LAMA2: variants seen among roughly 807,000 people sequenced by gnomAD.
LAMA2 encodes the protein laminin subunit alpha 2.
Under a neutral mutation model 364.8 loss-of-function variants are expected in LAMA2, and 269 were observed. The observed-to-expected ratio is 0.74, with a 90% CI of 0.67 to 0.82. The LOEUF (loss-of-function observed/expected upper bound fraction) is 0.82. Among genes scored for constraint, LAMA2 ranks in the 40% least tolerant of loss-of-function variants. The pLI, the probability that LAMA2 is intolerant of heterozygous loss-of-function variation, is 0.00. For synonymous variants in LAMA2, 1,379 were observed against 1,370.6 expected (o/e 1.01, Z -0.14); for missense variants, 3,807 against 3,873.2 (o/e 0.98, Z 0.45).
chr6:129,249,410 G>A (rs572209358), intron 12 of LAMA2, among the ~76,000 whole-genome samples: 1 of 152,192 alleles, frequency 6.6e-6, no homozygotes, highest in South Asian at 2.1e-4. Flanking sequence ...TCTACAAGGT[G>A]ACTGTCAATG....
chr6:129,319,694 T>C (rs1774834282), intron 27 of LAMA2, among the ~76,000 whole-genome samples: 3 of 152,188 alleles, frequency 2.0e-5, no homozygotes, highest in Admixed American at 2.0e-4. Flanking sequence ...CATATAACTT[T>C]TGATACCTTC....
chr6:128,998,000 G>T (rs550703132), intron 1 of LAMA2, among the ~76,000 whole-genome samples: 3 of 152,172 alleles, frequency 2.0e-5, no homozygotes, highest in African/African-American at 7.2e-5. Context: ...ATAGGAGAAA[G>T]GACCCTGAGT....
At chr6:129,394,500 G>A (rs1336221482) in intron 37 of LAMA2, among the ~76,000 whole-genome samples, 1 of 152,118 alleles carries the variant, frequency 6.6e-6, no homozygotes, top group Non-Finnish European at 1.5e-5. Context: ...ATATTGAAGA[G>A]GCTTACTTTT....
rs116436764 is a variant in LAMA2, at chr6:129,386,939, A to G, written c.5071+3706A>G. On this transcript the variant is annotated intron_variant, in intron 35 of 64. Coordinates refer to ENST00000421865, the MANE Select transcript of LAMA2 (RefSeq NM_000426.4). ...TGGCCATGGAATAGCAGTTTATTCC[A>G]TAAGCAGCCAATATATTTGCTAAAA... Among the ~76,000 whole-genome samples, 604 of 152,172 alleles carry G rather than the reference A, an allele frequency of 4.0e-3. 3 individuals carry two copies. The highest frequency in any genetic ancestry group is 0.013 in the African/African-American group (555 of 41,548).
At chr6:129,333,737 A>G (rs1347001876) in intron 29 of LAMA2, among the ~76,000 whole-genome samples, 1 of 152,204 alleles carries the variant, frequency 6.6e-6, no homozygotes, top group Admixed American at 6.5e-5. Context: ...TTAAATGTAT[A>G]TGTCTTATGC....
chr6:129,186,267 T>C (rs1378487289), intron 10 of LAMA2, among the ~76,000 whole-genome samples: 2 of 151,694 alleles, frequency 1.3e-5, no homozygotes, highest in Non-Finnish European at 3.0e-5. Context: ...TACAAATAAA[T>C]TATAGAATCA....
intron 1 of LAMA2, among the ~76,000 whole-genome samples, chr6:129,024,382 CTTTTT>C (rs202105513): frequency 2.5e-4 from 29 of 116,824 alleles, no homozygotes; most frequent in African/African-American, 5.1e-4. Flanking sequence ...TCTTTTCTTT[CTTTTT>C]TTTTTTTTTT....
At chr6:129,183,388 A>G (rs1391825003) in intron 10 of LAMA2, among the ~76,000 whole-genome samples, 1 of 152,020 alleles carries the variant, frequency 6.6e-6, no homozygotes, top group Non-Finnish European at 1.5e-5. Context: ...CTTATAATAG[A>G]AAGATAAATA....
At chr6:129,058,494 C>T in intron 2 of LAMA2, among the ~76,000 whole-genome samples, 1 of 152,166 alleles carries the variant, frequency 6.6e-6, no homozygotes, top group Non-Finnish European at 1.5e-5. Flanking sequence ...AAGGGAAGAT[C>T]TGTGGTTTTT....
chr6:128,912,482 A>T (rs1410752935), intron 1 of LAMA2, among the ~76,000 whole-genome samples: 1 of 152,216 alleles, frequency 6.6e-6, no homozygotes, highest in South Asian at 2.1e-4. Context: ...CAGAGTAAGT[A>T]TATTTTGTTT....
chr6:129,515,470 T>A (rs1032852793), intron 64 of LAMA2, among the ~76,000 whole-genome samples: 1 of 152,176 alleles, frequency 6.6e-6, no homozygotes, highest in Admixed American at 6.5e-5. Context: ...CTCCATTCAG[T>A]CTATGATAAT....
chr6:129,477,766 A>G (rs944365623), intron 53 of LAMA2, among the ~76,000 whole-genome samples: 3 of 152,028 alleles, frequency 2.0e-5, no homozygotes, highest in African/African-American at 7.3e-5. Context: ...CTGTAAACTA[A>G]ATTAATCTGT....
At position 128,961,369 on chromosome 6, in the gene LAMA2, T is replaced by TATATA. The variant is rs1562873217; in HGVS notation, c.112+78013_112+78014insTATAA. On this transcript the variant is annotated intron_variant, in intron 1 of 64. Transcript: ENST00000421865. ...TATATATATATATATATATATATAT[T>TATATA]AGTTTATTAAGTATTAACTTATACG... is the stretch of plus-strand genomic sequence containing the variant. Among the ~76,000 whole-genome samples, 17 of 69,122 alleles carry TATATA rather than the reference T, an allele frequency of 2.5e-4. 2 individuals carry two copies. The highest frequency in any genetic ancestry group is 8.6e-4 in the African/African-American group (17 of 19,790). The allele number at this position is 69,122 out of a possible 152,430, so 45.3% of individuals were successfully genotyped here.
chr6:129,362,085 A>C (rs1777498064), intron 32 of LAMA2, among the ~76,000 whole-genome samples: 1 of 151,986 alleles, frequency 6.6e-6, no homozygotes, highest in African/African-American at 2.4e-5. Context: ...ACACCCAGCC[A>C]GTAGTAACCA....
At chr6:129,244,991 C>A (rs993349898) in intron 12 of LAMA2, among the ~76,000 whole-genome samples, 6 of 152,118 alleles carry the variant, frequency 3.9e-5, no homozygotes, top group Non-Finnish European at 8.8e-5. Flanking sequence ...TGGGAAACAG[C>A]TACTTGTGTT....
At chr6:128,957,790 T>G (rs200899983) in intron 1 of LAMA2, among the ~76,000 whole-genome samples, 1 of 151,650 alleles carries the variant, frequency 6.6e-6, no homozygotes, top group African/African-American at 2.4e-5. Flanking sequence ...TCATCATCCT[T>G]TAAGTATAGT....
intron 7 of LAMA2, among the ~76,000 whole-genome samples, chr6:129,153,448 A>C (rs908185838): frequency 3.3e-5 from 5 of 152,210 alleles, no homozygotes; most frequent in African/African-American, 1.2e-4. Context: ...CCAGTAAACT[A>C]GCTCTCGGTT....
rs763182744 is a variant in LAMA2, at chr6:129,393,216, C to A, written c.5406C>A (p.Arg1802=). Reference sequence around the variant, plus strand: ...CAGATAAAATCAGAGAAGCTAATCGCCTATTTGCAGTAAATCAGAAAAACA... The same window carrying A: ...CAGATAAAATCAGAGAAGCTAATCGACTATTTGCAGTAAATCAGAAAAACA... ...EATDKIREAN[R]LFAVNQKNMT... is the part of the protein sequence containing the mutation. The change falls in exon 37 of 65, where the codon CGC becomes CGA. Residue 1802 remains arginine (R), a synonymous_variant. Transcript: ENST00000421865. 2 of 1,613,988 alleles carry A rather than the reference C, an allele frequency of 1.2e-6. No individual in the cohort carries two copies. Among genetic ancestry groups the A allele is most frequent in the South Asian group, 2.2e-5 (2 of 91,074 alleles).
At chr6:129,400,541 T>C (rs965044697) in intron 37 of LAMA2, among the ~76,000 whole-genome samples, 4 of 152,186 alleles carry the variant, frequency 2.6e-5, no homozygotes, top group Non-Finnish European at 5.9e-5. Context: ...GGAATAGGAA[T>C]GAATCAGAAG....
Sources: gnomAD v4.1 joint callset for allele counts (sites outside exome capture counted in the v4.1 genomes callset) on GRCh38, gnomAD v4.1.1 for gene constraint, MANE v1.5 for transcripts, NCBI Gene and HGNC (gene_info 2026-07-23, HGNC 2026-07-21) for gene names.